Variants in CFAP263 observed in about 807,000 individuals in gnomAD.
CFAP263 encodes cilia and flagella associated protein 263, also known as cilia- and flagella-associated protein 263.
chr16:58,268,236 G>A, the CFAP263 span, among the ~76,000 whole-genome samples: 69 of 152,284 alleles, frequency 4.5e-4, no homozygotes, highest in South Asian at 2.1e-4. Context: ...CTCCTTGCCT[G>A]TGTAAATTGC....
At chr16:58,258,535 G>A in the CFAP263 span, 5 of 1,612,664 alleles carry the variant, frequency 3.1e-6, no homozygotes, top group Admixed American at 8.4e-5. Context: ...TAAGTTGGCA[G>A]ACAGAGCTTA....
chr16:58,283,226 A>T, the CFAP263 span: 3 of 152,206 alleles, frequency 2.0e-5, no homozygotes, highest in Non-Finnish European at 4.4e-5. Flanking sequence ...TTGATTCTAC[A>T]TGTGGGAATT....
At chr16:58,254,339 T>C in the CFAP263 span, among the ~76,000 whole-genome samples, 1 of 152,184 alleles carries the variant, frequency 6.6e-6, no homozygotes, top group East Asian at 1.9e-4. Context: ...CAACACATTT[T>C]TGAACATTTT....
the CFAP263 span, among the ~76,000 whole-genome samples, chr16:58,251,510 G>T: frequency 6.6e-6 from 1 of 152,164 alleles, no homozygotes; most frequent in Admixed American, 6.5e-5. Flanking sequence ...TCCTGCCTCA[G>T]ACCCCTGAAT....
At chr16:58,257,019 T>C in the CFAP263 span, among the ~76,000 whole-genome samples, 5 of 27,672 alleles carry the variant, frequency 1.8e-4, 1 homozygote, top group South Asian at 0.012. Context: ...AATTTCTTTT[T>C]TTTTTTTTTT....
chr16:58,266,405 ATTTTTTTTTTT>A, the CFAP263 span, among the ~76,000 whole-genome samples: 514 of 31,284 alleles, frequency 0.016, 4 homozygotes, highest in South Asian at 0.038. Context: ...ATATATATAT[ATTTTTTTTTTT>A]TTTTTTTTTT....
At chr16:58,277,140 T>G in the CFAP263 span, among the ~76,000 whole-genome samples, 5,264 of 151,044 alleles carry the variant, frequency 0.035, 130 homozygotes, top group East Asian at 0.08. Flanking sequence ...TTTTTTAAAT[T>G]TTTTTTTTTA....
chr16:58,274,194 C>G, the CFAP263 span, among the ~76,000 whole-genome samples: 1 of 152,240 alleles, frequency 6.6e-6, no homozygotes, highest in Non-Finnish European at 1.5e-5. Flanking sequence ...GAGGCTTGCT[C>G]CAACTCTCAG....
the CFAP263 span, chr16:58,259,990 C>A: frequency 8.3e-7 from 1 of 1,205,292 alleles, no homozygotes. Flanking sequence ...CTGTGGTAGG[C>A]TGAATAAGGT....
chr16:58,265,068 T>G, the CFAP263 span, among the ~76,000 whole-genome samples: 1 of 152,208 alleles, frequency 6.6e-6, no homozygotes, highest in East Asian at 1.9e-4. Context: ...AATGTAAGCA[T>G]GTGACTACAG....
the CFAP263 span, among the ~76,000 whole-genome samples, chr16:58,266,977 C>T: frequency 6.6e-6 from 1 of 152,174 alleles, no homozygotes; most frequent in African/African-American, 2.4e-5. Flanking sequence ...ATGGTTTTAC[C>T]TCCCTAAAGG....
chr16:58,262,589 A>AT, the CFAP263 span: 3 of 1,516,770 alleles, frequency 2.0e-6, no homozygotes, highest in Middle Eastern at 1.8e-4. Context: ...TTCCACACTC[A>AT]CCTTTCTGGC....
At chr16:58,266,364 C>G in the CFAP263 span, among the ~76,000 whole-genome samples, 1 of 127,314 alleles carries the variant, frequency 7.9e-6, no homozygotes, top group South Asian at 2.5e-4. Context: ...TCTTTCAGCT[C>G]TCTTTCCAGC....
the CFAP263 span, chr16:58,250,232 G>C: frequency 5.0e-6 from 3 of 597,668 alleles, no homozygotes; most frequent in Non-Finnish European, 5.8e-6. Context: ...GCACTGGGGA[G>C]ACTTTTCCTC....
the CFAP263 span, chr16:58,250,086 C>T: frequency 8.8e-6 from 14 of 1,592,374 alleles, no homozygotes; most frequent in African/African-American, 2.7e-5. Flanking sequence ...TGCCTGTTAT[C>T]CAGCTGTGCG....
the CFAP263 span, chr16:58,278,558 C>G: frequency 6.2e-7 from 1 of 1,614,150 alleles, no homozygotes; most frequent in Non-Finnish European, 8.5e-7. Flanking sequence ...CAGGTGATGA[C>G]TTACGTCCGG....
the CFAP263 span, chr16:58,258,553 A>G: frequency 1.2e-6 from 2 of 1,604,366 alleles, no homozygotes; most frequent in African/African-American, 1.3e-5. Flanking sequence ...TTAGAAAGGG[A>G]AAAAACATTC....
the CFAP263 span, chr16:58,254,001 C>T: frequency 2.5e-5 from 40 of 1,613,996 alleles, no homozygotes; most frequent in South Asian, 3.7e-4. Flanking sequence ...GTTGCAGTTT[C>T]GAGGCAGGCG....
the CFAP263 span, among the ~76,000 whole-genome samples, chr16:58,269,449 GAAAGAAAAGA>G: frequency 6.6e-6 from 1 of 150,706 alleles, no homozygotes; most frequent in Non-Finnish European, 1.5e-5. Context: ...AGGAAGGAAG[GAAAGAAAAGA>G]AAAGAAAAGA....
Sources: gnomAD v4.1 joint callset for allele counts (sites outside exome capture counted in the v4.1 genomes callset) on GRCh38, gnomAD v4.1.1 for gene constraint, MANE v1.5 for transcripts, NCBI Gene and HGNC (gene_info 2026-07-23, HGNC 2026-07-21) for gene names.